The following FBXO15 variants were observed in gnomAD, a reference collection of about 807,000 sequenced individuals.
FBXO15 encodes F-box protein 15.
A neutral mutation model predicts 49.5 loss-of-function variants in FBXO15; 30 were observed. That is an observed-to-expected ratio of 0.61 (90% CI 0.45 to 0.82). The LOEUF (loss-of-function observed/expected upper bound fraction) is 0.82. Among genes scored for constraint, FBXO15 ranks in the 40% least tolerant of loss-of-function variants. FBXO15 has a pLI of 0.00. For synonymous variants in FBXO15, 250 were observed against 232.7 expected, an observed-to-expected ratio of 1.07 and a Z score of -0.68; for missense variants, 591 against 631.5, an observed-to-expected ratio of 0.94 and a Z score of 0.69.
At chr18:74,130,701 A>G in intron 3 of FBXO15, 43 bp from the exon 4 acceptor site, 1 of 1,578,190 alleles carries the variant, frequency 6.3e-7, no homozygotes, top group East Asian at 2.2e-5. Context: ...AGACACTGTC[A>G]CCTACCTTAG....
At chr18:74,103,449 A>T (rs1913611351) in intron 8 of FBXO15, among the ~76,000 whole-genome samples, 1 of 152,044 alleles carries the variant, frequency 6.6e-6, no homozygotes, top group African/African-American at 2.4e-5. Flanking sequence ...AAGTAGTAGA[A>T]ATCTTACTCA....
At position 74,107,550 on chromosome 18, in the gene FBXO15, C is replaced by T. The variant is rs989896915; in HGVS notation, c.1138+15818G>A. 1.2e-4 allele frequency among the ~76,000 whole-genome samples: 18 copies of T among 152,180 alleles called. No homozygotes were observed. In the South Asian group the frequency reaches 1.2e-3, roughly 11 times the overall value. ...AGAGACAGACAGGAGAATACAGAGA[C>T]GCGTAGCTCTATTGAGCCAAAACCT... On this transcript the variant is annotated intron_variant, in intron 8 of 9. Coordinates refer to ENST00000419743, the MANE Select transcript of FBXO15 (RefSeq NM_001142958.2).
Position 74,073,839 on chromosome 18 carries a change from A to C in FBXO15, c.1264-109T>G, listed in dbSNP as rs1171410401. 7 of 1,342,152 alleles carry C rather than the reference A, an allele frequency of 5.2e-6. No individual in the cohort carries two copies. The Admixed American group carries it at 1.6e-4, about 31-fold the overall frequency. 83.1% of individuals were successfully genotyped at this position (1,342,152 alleles called of 1,614,324 possible). A position where few individuals can be genotyped will look rare whatever the true frequency, so the allele number is the denominator to read the frequency against. The stretch of plus-strand genomic sequence containing the variant: ...CTAGAAATGCTGCGTGTGGCATCAA[A>C]ATCCAGAATACTATCATTGGTTTTT... On this transcript the variant is annotated intron_variant, in intron 9 of 9. Transcript: ENST00000419743.
chr18:74,142,592 A>AT (rs1392042514), intron 1 of FBXO15, among the ~76,000 whole-genome samples: 1 of 152,164 alleles, frequency 6.6e-6, no homozygotes, highest in Non-Finnish European at 1.5e-5. Flanking sequence ...TTGTGTCAGC[A>AT]TAACTCTAAT....
chr18:74,088,319 G>A (rs1912839269), intron 8 of FBXO15, among the ~76,000 whole-genome samples: 1 of 152,104 alleles, frequency 6.6e-6, no homozygotes. Context: ...ATCTTCCAGG[G>A]ATTTTATAGT....
intron 8 of FBXO15, among the ~76,000 whole-genome samples, chr18:74,084,143 T>C (rs1912622416): frequency 6.6e-6 from 1 of 152,328 alleles, no homozygotes; most frequent in Admixed American, 6.5e-5. Flanking sequence ...ATAATGCAGA[T>C]TCAGATTCTC....
intron 8 of FBXO15, among the ~76,000 whole-genome samples, chr18:74,093,451 G>A (rs1405421785): frequency 6.6e-6 from 1 of 152,162 alleles, no homozygotes; most frequent in Non-Finnish European, 1.5e-5. Context: ...GGCTTCCAAG[G>A]CAGCACTGCA....
intron 8 of FBXO15, among the ~76,000 whole-genome samples, chr18:74,102,068 G>A (rs1041260466): frequency 6.6e-6 from 1 of 152,084 alleles, no homozygotes; most frequent in African/African-American, 2.4e-5. Context: ...AGGATTTCAT[G>A]ACCAAGAACC....
intron 8 of FBXO15, among the ~76,000 whole-genome samples, chr18:74,085,672 T>C (rs914149999): frequency 1.3e-5 from 2 of 152,222 alleles, no homozygotes; most frequent in South Asian, 2.1e-4. Context: ...TTACAAGCAA[T>C]TGATTTTTGA....
rs563915779 is a variant in FBXO15, at chr18:74,147,607, G to C, written c.116+63C>G. ...GGACGAATAAAATACACGGTGAAGA[G>C]AGCGGGGCCGCGCAGTGACGGGCTT... On this transcript the variant is annotated intron_variant, in intron 1 of 9. Coordinates refer to ENST00000419743, the MANE Select transcript of FBXO15 (RefSeq NM_001142958.2). The C allele has an allele frequency of 4.4e-6, 6 of 1,364,544 alleles. No homozygotes were observed. In the African/African-American group the frequency reaches 4.6e-5, roughly 10 times the overall value. The allele number at this position is 1,364,544 out of a possible 1,614,324, so 84.5% of individuals were successfully genotyped here.
At chr18:74,076,816 C>G (rs1912275442) in intron 9 of FBXO15, among the ~76,000 whole-genome samples, 1 of 152,180 alleles carries the variant, frequency 6.6e-6, no homozygotes, top group Admixed American at 6.5e-5. Context: ...CACCTCATTG[C>G]ACACATCTTG....
At chr18:74,098,964 A>G (rs900505706) in intron 8 of FBXO15, 1 of 152,286 alleles carries the variant, frequency 6.6e-6, no homozygotes, top group Non-Finnish European at 1.5e-5. Context: ...ATCTATACTA[A>G]AAATACAAAA....
chr18:74,077,248 G>T (rs987119984), intron 9 of FBXO15, among the ~76,000 whole-genome samples: 1 of 152,326 alleles, frequency 6.6e-6, no homozygotes, highest in Non-Finnish European at 1.5e-5. Context: ...ATGAGAGGGA[G>T]GTGGTAAGAG....
At chr18:74,145,594 CT>C (rs760823560) in intron 1 of FBXO15, among the ~76,000 whole-genome samples, 1,294 of 96,320 alleles carry the variant, frequency 0.013, 9 homozygotes, top group African/African-American at 0.055. Flanking sequence ...ACCAACTGCA[CT>C]TTTTTTTTTT....
chr18:74,113,233 T>A (rs538242858), intron 8 of FBXO15, among the ~76,000 whole-genome samples: 2 of 152,266 alleles, frequency 1.3e-5, no homozygotes, highest in South Asian at 4.1e-4. Context: ...CCATATGATA[T>A]TCTAAAAAAG....
At chr18:74,089,843 A>G (rs1286467665) in intron 8 of FBXO15, among the ~76,000 whole-genome samples, 1 of 152,106 alleles carries the variant, frequency 6.6e-6, no homozygotes, top group African/African-American at 2.4e-5. Context: ...GGATTTTGGC[A>G]TCTATGTTCA....
chr18:74,082,217 G>A (rs1362735974), intron 8 of FBXO15, 166 bp from the exon 9 acceptor site: 3 of 505,736 alleles, frequency 5.9e-6, no homozygotes, highest in Non-Finnish European at 1.0e-5. Flanking sequence ...TGAGGCCAGA[G>A]TGATGCATCT....
chr18:74,106,121 C>G (rs1913750566), intron 8 of FBXO15, among the ~76,000 whole-genome samples: 1 of 151,924 alleles, frequency 6.6e-6, no homozygotes, highest in Admixed American at 6.6e-5. Context: ...AAGAATAATC[C>G]TAAGAGGTAA....
At chr18:74,126,150 T>A in intron 5 of FBXO15, 49 bp from the exon 6 acceptor site, 1 of 1,605,538 alleles carries the variant, frequency 6.2e-7, no homozygotes, top group Non-Finnish European at 8.5e-7. Context: ...AGCTTTCCTG[T>A]CCATAGTGTT....
Sources: gnomAD v4.1 joint callset for allele counts (sites outside exome capture counted in the v4.1 genomes callset) on GRCh38, gnomAD v4.1.1 for gene constraint, MANE v1.5 for transcripts, NCBI Gene and HGNC (gene_info 2026-07-23, HGNC 2026-07-21) for gene names.